Variants in CACNA1D observed in about 807,000 individuals in gnomAD.
CACNA1D encodes voltage-dependent L-type calcium channel subunit alpha-1D.
A neutral mutation model predicts 257.1 loss-of-function variants in CACNA1D; 55 were observed. The observed-to-expected ratio is 0.21, with a 90% CI of 0.17 to 0.27. CACNA1D has a LOEUF of 0.27. CACNA1D is among the 10% of genes least tolerant of loss of function. The pLI, the probability that CACNA1D is intolerant of heterozygous loss-of-function variation, is 1.00. For missense variants in CACNA1D, 1,876 were observed against 2,784.0 expected (o/e 0.67, Z 7.34); for synonymous variants, 980 against 1,014.9 (o/e 0.97, Z 0.65).
chr3:53,789,260 G>A lies in CACNA1D; in HGVS notation c.4923+2308G>A, dbSNP rs1362028932. ...AGCTGAAGCATCGTCTGTAATTTAT[G>A]TTGAGAATGCAGCCTGGAAAATTAA... On this transcript the variant is annotated intron_variant, in intron 40 of 47. Coordinates refer to ENST00000350061, the MANE Select transcript of CACNA1D (RefSeq NM_001128840.3). The surrounding 1 kb of genome is among the most constrained non-coding windows in gnomAD (Gnocchi z 4.2). Among the ~76,000 whole-genome samples the A allele has an allele frequency of 1.3e-5, 2 of 152,226 alleles. No homozygotes were observed. The highest frequency in any genetic ancestry group is 4.8e-5 in the African/African-American group (2 of 41,452).
intron 8 of CACNA1D, among the ~76,000 whole-genome samples, chr3:53,677,614 T>G (rs966276949): frequency 2.6e-5 from 4 of 152,192 alleles, no homozygotes; most frequent in Admixed American, 2.6e-4. Context: ...TGGCCACACT[T>G]TACACACACA....
intron 3 of CACNA1D, among the ~76,000 whole-genome samples, chr3:53,552,799 G>T (rs189002411): frequency 2.6e-5 from 4 of 152,270 alleles, no homozygotes; most frequent in African/African-American, 9.6e-5. Flanking sequence ...TCTGAACTTG[G>T]AACTGCTGCC....
At chr3:53,638,042 ACT>A (rs1388855634) in intron 3 of CACNA1D, among the ~76,000 whole-genome samples, 1 of 152,216 alleles carries the variant, frequency 6.6e-6, no homozygotes, top group Non-Finnish European at 1.5e-5. Context: ...GTGTCGGCAC[ACT>A]CAGTGGGAAA....
chr3:53,515,541 C>G (rs2091298576), intron 3 of CACNA1D, among the ~76,000 whole-genome samples: 2 of 152,164 alleles, frequency 1.3e-5, no homozygotes, highest in Non-Finnish European at 2.9e-5. Context: ...ATGACTTGCC[C>G]AAGAGCAAAC....
chr3:53,676,518 C>T (rs940152456), intron 8 of CACNA1D, among the ~76,000 whole-genome samples: 2 of 152,178 alleles, frequency 1.3e-5, no homozygotes, highest in Admixed American at 6.5e-5. Flanking sequence ...AAATGTAATC[C>T]GCTAAGCACT....
intron 30 of CACNA1D, 38 bp downstream of exon 30, chr3:53,762,119 C>A (rs2095306610): frequency 7.7e-7 from 1 of 1,290,366 alleles, no homozygotes; most frequent in Non-Finnish European, 1.1e-6. Context: ...CCTGTGTCCT[C>A]TCTCCTCTGT....
Position 53,745,677 on chromosome 3 carries a change from C to T in CACNA1D, c.3060C>T (p.Ile1020=), listed in dbSNP as rs768453719. The change falls in exon 24 of 48, where the codon ATC becomes ATT. Residue 1020 remains isoleucine (I), a synonymous_variant. Coordinates refer to ENST00000350061, the MANE Select transcript of CACNA1D (RefSeq NM_001128840.3). ...TCCGGACCATCGGCAACATCATGAT[C>T]GTCACCACCCTCCTGCAGTTCATGT... ...VAIRTIGNIM[I]VTTLLQFMFA... is the part of the protein sequence containing the mutation. 37 of 1,613,974 alleles carry T rather than the reference C, an allele frequency of 2.3e-5. No individual in the cohort carries two copies. The highest frequency in any genetic ancestry group is 1.6e-4 in the Middle Eastern group (1 of 6,084).
chr3:53,665,511 AGGC>A, intron 5 of CACNA1D, 146 bp from the exon 6 acceptor site: 1 of 664,720 alleles, frequency 1.5e-6, no homozygotes, highest in Middle Eastern at 2.6e-4. Context: ...TCTCACATCC[AGGC>A]TTAATATTAA....
rs938989875 is a variant in CACNA1D at position 53,645,551 on chromosome 3, C to T, written c.484-5228C>T. 3.3e-5 allele frequency among the ~76,000 whole-genome samples: 5 copies of T among 152,240 alleles called. No homozygotes were observed. The South Asian group carries it at 6.2e-4, about 19-fold the overall frequency. ...TCTGCATGTGGATGTCCAGTTTTAC[C>T]GTACCCCTTATTGAAGAGACTGTCC... On this transcript the variant is annotated intron_variant, in intron 3 of 47. Transcript: ENST00000350061.
At chr3:53,745,579 G>T in intron 23 of CACNA1D, 45 bp from the exon 24 acceptor site, 1 of 1,317,646 alleles carries the variant, frequency 7.6e-7, no homozygotes, top group South Asian at 1.2e-5. Context: ...TCACCTCAAG[G>T]CCAAAATCAC....
intron 3 of CACNA1D, among the ~76,000 whole-genome samples, chr3:53,560,345 G>A (rs1199622185): frequency 6.6e-6 from 1 of 152,110 alleles, no homozygotes; most frequent in East Asian, 1.9e-4. Context: ...GAAAGATAGG[G>A]TGGGAGTTCT....
intron 3 of CACNA1D, among the ~76,000 whole-genome samples, chr3:53,645,700 C>T (rs374150333): frequency 5.3e-5 from 8 of 152,122 alleles, no homozygotes; most frequent in African/African-American, 7.2e-5. Context: ...TTGTGAATTA[C>T]GGCTGTGGAA....
At chr3:53,646,692 G>A (rs1303325312) in intron 3 of CACNA1D, among the ~76,000 whole-genome samples, 1 of 152,290 alleles carries the variant, frequency 6.6e-6, no homozygotes, top group East Asian at 1.9e-4. Flanking sequence ...GGGTGGAAGA[G>A]CAAAACAGAG....
intron 3 of CACNA1D, among the ~76,000 whole-genome samples, chr3:53,582,446 A>C (rs1196048291): frequency 6.6e-6 from 1 of 152,066 alleles, no homozygotes; most frequent in Non-Finnish European, 1.5e-5. Flanking sequence ...GGCCTTTGTC[A>C]TGGTTATTGG....
At chr3:53,772,705 G>A (rs1353587568) in intron 32 of CACNA1D, 128 bp from the exon 33 acceptor site, 15 of 738,220 alleles carry the variant, frequency 2.0e-5, no homozygotes, top group Admixed American at 5.8e-5. Context: ...CCTCACTGTC[G>A]ATATTCTTTC....
intron 38 of CACNA1D, among the ~76,000 whole-genome samples, chr3:53,780,680 G>T (rs930828605): frequency 5.3e-5 from 8 of 152,244 alleles, no homozygotes; most frequent in Admixed American, 2.6e-4. Flanking sequence ...TCACAGCCAT[G>T]CTCAGCCCTG....
intron 3 of CACNA1D, among the ~76,000 whole-genome samples, chr3:53,613,726 C>A (rs1349704892): frequency 6.6e-6 from 1 of 151,912 alleles, no homozygotes; most frequent in Non-Finnish European, 1.5e-5. Context: ...TGCAGAAATA[C>A]CCAGCTTCTG....
chr3:53,516,579 G>A (rs988635201), intron 3 of CACNA1D, among the ~76,000 whole-genome samples: 11 of 152,322 alleles, frequency 7.2e-5, no homozygotes, highest in Non-Finnish European at 1.3e-4. Flanking sequence ...CATTTTCAGC[G>A]GCAGGGAGCC....
chr3:53,713,990 A>G (rs1007921002), intron 9 of CACNA1D, among the ~76,000 whole-genome samples: 1 of 152,216 alleles, frequency 6.6e-6, no homozygotes. Flanking sequence ...ATTGCAAAAT[A>G]TAGGCCTTGA....
Sources: allele counts gnomAD v4.1 joint callset (sites outside exome capture counted in the v4.1 genomes callset), GRCh38; gene constraint gnomAD v4.1.1; non-coding constraint Gnocchi (gnomAD v3.1); transcripts MANE v1.5; gene names NCBI Gene and HGNC (gene_info 2026-07-23, HGNC 2026-07-21).